Variants in PPP2R3B observed in about 807,000 individuals in gnomAD.
PPP2R3B encodes the protein protein phosphatase 2 regulatory subunit B''beta.
PPP2R3B carries 68 observed loss-of-function variants against 72.9 expected under a neutral mutation model. The observed-to-expected ratio is 0.93, with a 90% confidence interval of 0.77 to 1.14. PPP2R3B has a LOEUF of 1.14. Ranked by LOEUF, PPP2R3B falls within the 50% of genes most tolerant of loss-of-function variation. The probability of loss-of-function intolerance (pLI) is 0.00; values close to 1 mark genes in which losing one functional copy is unlikely to be tolerated. For synonymous variants in PPP2R3B, 466 were observed against 375.8 expected (o/e 1.24, Z -2.78); for missense variants, 1,018 against 842.0 (o/e 1.21, Z -2.59).
chrX:345,251 A>G, intron 7 of PPP2R3B: 1 of 679,380 alleles, frequency 1.5e-6, no homozygotes, highest in South Asian at 1.5e-5. Context: ...TCGGGCCAGG[A>G]GCTTCAGGAC....
In PPP2R3B at chrX:340,482, G is replaced by A. The variant is rs1256316858; in HGVS notation, c.1351+283C>T. 5.9e-4 allele frequency among the ~76,000 whole-genome samples: 62 copies of A among 104,746 alleles called. 1 individual carries two copies. Among genetic ancestry groups the A allele is most frequent in the South Asian group, 1.1e-3 (3 of 2,764 alleles). 68.7% of individuals were successfully genotyped at this position (104,746 alleles called of 152,430 possible). A position where few individuals can be genotyped will look rare whatever the true frequency, so the allele number is the denominator to read the frequency against. On this transcript the variant is annotated intron_variant, in intron 10 of 12. Transcript: ENST00000390665. ...CCCGTCTGTCCCCTCACCCTGGGCC[G>A]TCCCCCCTCCCGTCCGTCCCCTCAC...
chrX:352,387 G>A (rs1390260193), intron 2 of PPP2R3B, among the ~76,000 whole-genome samples: 3 of 152,226 alleles, frequency 2.0e-5, no homozygotes, highest in South Asian at 2.1e-4. Context: ...CCGCTACGGC[G>A]ACGGCCCCCA....
intron 2 of PPP2R3B, chrX:359,780 T>C (rs1168125424): frequency 4.1e-6 from 2 of 490,072 alleles, no homozygotes; most frequent in African/African-American, 2.0e-5. Context: ...TTGTACATAA[T>C]TGCTCATATT....
In PPP2R3B at chrX:386,786, A is replaced by T; in HGVS notation, c.-95T>A. 4 of 758,656 alleles carry T rather than the reference A, an allele frequency of 5.3e-6. No individual in the cohort carries two copies. Among genetic ancestry groups the T allele is most frequent in the Non-Finnish European group, 6.9e-6 (4 of 581,418 alleles). 47.0% of individuals were successfully genotyped at this position (758,656 alleles called of 1,614,324 possible). A position where few individuals can be genotyped will look rare whatever the true frequency, so the allele number is the denominator to read the frequency against. ...CCGGACCGACCTCGGTGATGCGAGC[A>T]CGGCCCGCTGAGGGGGCGCGGCGCA... On this transcript the variant is annotated 5_prime_UTR_variant, in exon 1 of 13. Transcript: ENST00000390665.
rs759843506 is a variant in PPP2R3B, at chrX:338,838, G to A, written c.1410C>T (p.Thr470=). The change falls in exon 11 of 13, where the codon ACC becomes ACT. Residue 470 remains threonine, a synonymous_variant. Transcript: ENST00000390665. ...RCKLANVFFD[T]FFNIEKYLDH... is the part of the protein sequence containing the mutation. ...CGAGGTACTTCTCGATGTTGAAGAAGGTGTCGAAGAAGACGTTAGCCAGCT... is the reference window on the plus strand; with the variant it reads ...CGAGGTACTTCTCGATGTTGAAGAAAGTGTCGAAGAAGACGTTAGCCAGCT... 6.2e-6 allele frequency: 10 copies of A among 1,612,352 alleles called. No individual in the cohort carries two copies. Among genetic ancestry groups the A allele is most frequent in the East Asian group, 4.5e-5 (2 of 44,894 alleles).
intron 7 of PPP2R3B, chrX:344,961 A>T (rs1174575360): frequency 4.5e-5 from 16 of 352,868 alleles, no homozygotes; most frequent in South Asian, 2.8e-4. Flanking sequence ...CCTTTAGAAA[A>T]CTCAAGCCCC....
At chrX:350,621 G>C (rs1469335406) in intron 2 of PPP2R3B, among the ~76,000 whole-genome samples, 6 of 152,206 alleles carry the variant, frequency 3.9e-5, no homozygotes, top group Non-Finnish European at 8.8e-5. Context: ...TGGCGCCGGC[G>C]AGGGCAGGGT....
At chrX:352,087 A>C (rs1055500988) in intron 2 of PPP2R3B, among the ~76,000 whole-genome samples, 1 of 152,232 alleles carries the variant, frequency 6.6e-6, no homozygotes, top group African/African-American at 2.4e-5. Context: ...AATTACCTCC[A>C]AATGAATTAG....
chrX:344,259 G>A, intron 7 of PPP2R3B, among the ~76,000 whole-genome samples: 1 of 32,938 alleles, frequency 3.0e-5, no homozygotes. Flanking sequence ...ACCTCACCAA[G>A]GAGAGGCGGG....
intron 2 of PPP2R3B, among the ~76,000 whole-genome samples, chrX:359,030 T>C (rs2071492019): frequency 6.6e-6 from 1 of 152,086 alleles, no homozygotes; most frequent in East Asian, 1.9e-4. Flanking sequence ...GGGGAATACA[T>C]GGGTCCCATG....
Position 338,698 on chromosome X carries a change from C to A in PPP2R3B, c.1483G>T (p.Gly495Cys). 3 of 1,611,812 alleles carry A rather than the reference C, an allele frequency of 1.9e-6. No homozygotes were observed. Among genetic ancestry groups the A allele is most frequent in the Non-Finnish European group, 2.5e-6 (3 of 1,179,670 alleles). Reference sequence around the variant, plus strand: ...TCCCAGTCCGAGAGCTCGGGGCCGCCGCTGTCACCGTCCTGGAGGAAGCAC... The same window carrying A: ...TCCCAGTCCGAGAGCTCGGGGCCGCAGCTGTCACCGTCCTGGAGGAAGCAC... ...QISLLRDGDS[G>C]GPELSDWEKY... The change falls in exon 12 of 13, where the codon GGC becomes TGC. Residue 495 changes from glycine to cysteine, a missense_variant. Transcript: ENST00000390665.
chrX:379,464 GTGTT>G (rs1336107877), intron 1 of PPP2R3B, among the ~76,000 whole-genome samples: 4 of 150,356 alleles, frequency 2.7e-5, no homozygotes, highest in Non-Finnish European at 1.5e-5. Context: ...ATGCACCTGT[GTGTT>G]TGTGTGTATG....
chrX:341,074 TC>T, intron 9 of PPP2R3B, 134 bp from the exon 10 acceptor site: 1 of 1,302,060 alleles, frequency 7.7e-7, no homozygotes, highest in Non-Finnish European at 1.1e-6. Flanking sequence ...CGTGCAGGCA[TC>T]CCCTGCCCCC....
chrX:348,291 GC>G (rs2071264827), intron 2 of PPP2R3B, among the ~76,000 whole-genome samples: 5 of 7,348 alleles, frequency 6.8e-4, no homozygotes, highest in Non-Finnish European at 1.6e-3. Flanking sequence ...ATTAACCCTG[GC>G]TGGCTGGGCG....
intron 1 of PPP2R3B, among the ~76,000 whole-genome samples, chrX:383,403 G>T (rs181811375): frequency 4.3e-4 from 66 of 152,142 alleles, no homozygotes; most frequent in African/African-American, 1.6e-3. Context: ...AAGTTCCGAC[G>T]GAACATTCTG....
intron 2 of PPP2R3B, among the ~76,000 whole-genome samples, chrX:360,649 G>A (rs1026826785): frequency 9.2e-5 from 14 of 152,328 alleles, no homozygotes; most frequent in East Asian, 5.8e-4. Flanking sequence ...CACATGTACC[G>A]TGCACCGAGG....
rs1182537877 is a variant in PPP2R3B at position 386,741 on chromosome X, CCCGGGGGCTTCGGTCCGCCCCGGA to C, written c.-74_-51del. The C allele has an allele frequency of 1.7e-6, 2 of 1,164,216 alleles. No homozygotes were observed. The highest frequency in any genetic ancestry group is 1.6e-5 in the African/African-American group (1 of 61,600). 72.1% of individuals were successfully genotyped at this position (1,164,216 alleles called of 1,614,324 possible). A position where few individuals can be genotyped will look rare whatever the true frequency, so the allele number is the denominator to read the frequency against. The stretch of plus-strand genomic sequence containing the variant: ...CCCGGACGCCCGCGCCCCGCCCCGC[CCCGGGGGCTTCGGTCCGCCCCGGA>C]CCGACCTCGGTGATGCGAGCACGGC... On this transcript the variant is annotated 5_prime_UTR_variant, in exon 1 of 13. Coordinates refer to ENST00000390665, the MANE Select transcript of PPP2R3B (RefSeq NM_013239.5).
At chrX:379,133 CTATG>C (rs1325076202) in intron 1 of PPP2R3B, among the ~76,000 whole-genome samples, 7 of 145,816 alleles carry the variant, frequency 4.8e-5, no homozygotes, top group African/African-American at 7.8e-5. Context: ...GTGTATGCAC[CTATG>C]TGTGTGTATG....
chrX:339,036 AAAG>A (rs1388920680), intron 10 of PPP2R3B, 140 bp from the exon 11 acceptor site: 1 of 756,876 alleles, frequency 1.3e-6, no homozygotes, highest in Non-Finnish European at 2.3e-6. Context: ...GTTTGACGTG[AAAG>A]GCGGACACGC....
Sources: gnomAD v4.1 joint callset for allele counts (sites outside exome capture counted in the v4.1 genomes callset) on GRCh38, gnomAD v4.1.1 for gene constraint, MANE v1.5 for transcripts, NCBI Gene and HGNC (gene_info 2026-07-23, HGNC 2026-07-21) for gene names.